Variants in TMEM63B observed in about 807,000 individuals in gnomAD.
TMEM63B encodes the protein transmembrane protein 63B.
Under a neutral mutation model 102.6 loss-of-function variants are expected in TMEM63B, and 23 were observed. The ratio of observed to expected loss-of-function variants is 0.22; its 90% CI spans 0.16 to 0.32. The LOEUF is 0.32. TMEM63B is among the 10% of genes least tolerant of loss of function. TMEM63B has a pLI of 1.00. For missense variants in TMEM63B, 628 were observed against 1,095.9 expected, an observed-to-expected ratio of 0.57 and a Z score of 6.03; for synonymous variants, 444 against 437.0, an observed-to-expected ratio of 1.02 and a Z score of -0.20.
chr6:44,138,634 A>C (rs1582782241), intron 6 of TMEM63B, 117 bp downstream of exon 6: 2 of 1,216,218 alleles, frequency 1.6e-6, no homozygotes, highest in Non-Finnish European at 2.4e-6. Flanking sequence ...CCAGCACAGC[A>C]CCCTCCTCCC....
At chr6:44,145,602 CAAAACA>C (rs200296928) in intron 10 of TMEM63B, among the ~76,000 whole-genome samples, 1,777 of 150,990 alleles carry the variant, frequency 0.012, 35 homozygotes, top group African/African-American at 0.041. Context: ...AAAAACAAAA[CAAAACA>C]AAAACAAAAA....
rs1435213743 is a variant in TMEM63B, at chr6:44,127,644, G to T, written c.-59G>T. On this transcript the variant is annotated 5_prime_UTR_variant, in exon 1 of 24. Transcript: ENST00000323267. ...CCCCAGCCCCGCCCCGCCCCAACCC[G>T]GGGCTCCGAGCCGGAGCCGAGTCTG... 8.1e-6 allele frequency: 1 copy of T among 123,436 alleles called. No individual in the cohort carries two copies. The highest frequency in any genetic ancestry group is 1.7e-5 in the Non-Finnish European group (1 of 57,560). The allele number at this position is 123,436 out of a possible 1,614,324, so 7.6% of individuals were successfully genotyped here. A position where few individuals can be genotyped will look rare whatever the true frequency, so the allele number is the denominator to read the frequency against.
At chr6:44,138,351 A>ATT in intron 5 of TMEM63B, 129 bp from the exon 6 acceptor site, 7 of 1,132,974 alleles carry the variant, frequency 6.2e-6, no homozygotes, top group Non-Finnish European at 9.2e-6. Flanking sequence ...GGGTATAAGG[A>ATT]TTTTTTTTTA....
chr6:44,130,564 G>A (rs947159982), intron 1 of TMEM63B, among the ~76,000 whole-genome samples: 6 of 149,288 alleles, frequency 4.0e-5, no homozygotes, highest in Non-Finnish European at 4.5e-5. Context: ...CTCAGCTTCC[G>A]GAGTAGCTGG....
intron 7 of TMEM63B, 33 bp from the exon 8 acceptor site, chr6:44,139,675 C>T (rs753414791): frequency 6.2e-7 from 1 of 1,614,142 alleles, no homozygotes; most frequent in South Asian, 1.1e-5. Context: ...GCCCTGACCC[C>T]ACCATCATCC....
chr6:44,136,914 G>A (rs1053768700), intron 5 of TMEM63B, among the ~76,000 whole-genome samples: 6 of 152,218 alleles, frequency 3.9e-5, no homozygotes, highest in African/African-American at 7.2e-5. Flanking sequence ...GCGTGGTGGT[G>A]GGCGCCTGTA....
At chr6:44,149,121 C>T (rs928630340) in intron 15 of TMEM63B, 176 bp downstream of exon 15, 9 of 912,974 alleles carry the variant, frequency 9.9e-6, no homozygotes, top group African/African-American at 4.9e-5. Flanking sequence ...CCACCTTCCC[C>T]CTGAGAGAGG....
At chr6:44,138,452 T>A in intron 5 of TMEM63B, 28 bp from the exon 6 acceptor site, 6 of 1,613,874 alleles carry the variant, frequency 3.7e-6, no homozygotes, top group Non-Finnish European at 5.1e-6. Flanking sequence ...GGCTGGGGAC[T>A]CCCGCTGACA....
Position 44,155,451 on chromosome 6 carries a change from G to GT in TMEM63B, c.*578dup, listed in dbSNP as rs34682934. ...ACACTGGAAAATGGGTTTTTGCACTGTTTTTTTTTTGGTTTTTTTGTTCTT... is the reference window on the plus strand; with the variant it reads ...ACACTGGAAAATGGGTTTTTGCACTGTTTTTTTTTTTGGTTTTTTTGTTCTT... On this transcript the variant is annotated 3_prime_UTR_variant, in exon 24 of 24. Coordinates refer to ENST00000323267, the MANE Select transcript of TMEM63B (RefSeq NM_018426.3). 23,574 of 122,840 alleles carry GT rather than the reference G, an allele frequency of 0.19. 2,114 individuals are homozygous for GT. The highest frequency in any genetic ancestry group is 0.23 in the Non-Finnish European group (13,631 of 59,594). 7.6% of individuals were successfully genotyped at this position (122,840 alleles called of 1,614,324 possible). A position where few individuals can be genotyped will look rare whatever the true frequency, so the allele number is the denominator to read the frequency against.
intron 11 of TMEM63B, 126 bp downstream of exon 11, chr6:44,147,053 T>A: frequency 9.4e-7 from 1 of 1,066,216 alleles, no homozygotes; most frequent in Non-Finnish European, 1.4e-6. Context: ...ATTCAACTCG[T>A]TGGTGTGCCT....
rs568339182 is a variant in TMEM63B, at chr6:44,155,464, T to TTTGG, written c.*583_*584insGGTT. The TTTGG allele has an allele frequency of 2.7e-5, 4 of 150,104 alleles. No homozygotes were observed. The highest frequency in any genetic ancestry group is 7.4e-5 in the African/African-American group (3 of 40,692). The allele number at this position is 150,104 out of a possible 1,614,324, so 9.3% of individuals were successfully genotyped here. The stretch of plus-strand genomic sequence containing the variant: ...GGTTTTTGCACTGTTTTTTTTTTGG[T>TTTGG]TTTTTTGTTCTTTTTTGTTTTTTTC... On this transcript the variant is annotated 3_prime_UTR_variant, in exon 24 of 24. Transcript: ENST00000323267.
rs1176963130 is a variant in TMEM63B at position 44,138,483 on chromosome 6, T to A, written c.373T>A (p.Phe125Ile). The A allele has an allele frequency of 6.2e-7, 1 of 1,614,020 alleles. No homozygotes were observed. Among genetic ancestry groups the A allele is most frequent in the Non-Finnish European group, 8.5e-7 (1 of 1,179,984 alleles). Residue 125 changes from phenylalanine to isoleucine, a missense_variant, in exon 6 of 24, where the codon TTC becomes ATC. Physicochemically the swap from Phe to Ile is conservative, Grantham distance 21 (BLOSUM62 0). Transcript: ENST00000323267. The part of the protein sequence containing the change: ...SVDFDQRDNG[F>I]CSWLTAIFRI... The stretch of plus-strand genomic sequence containing the variant: ...TGACAGCCCTCTGTTCCCCCAGGGT[T>A]TCTGTTCCTGGCTGACAGCCATCTT...
In TMEM63B at chr6:44,154,063, C is replaced by T; in HGVS notation, c.2111-10C>T. 6.2e-7 allele frequency: 1 copy of T among 1,613,582 alleles called. No individual in the cohort carries two copies. Among genetic ancestry groups the T allele is most frequent in the African/African-American group, 1.3e-5 (1 of 75,016 alleles). ...AGATAGCAACCCCATTCTTTGCCCC[C>T]CAACACCAGGGTTCCTAGCTCCCAC... On this transcript the variant is annotated splice_polypyrimidine_tract_variant and intron_variant, in intron 21 of 23. Coordinates refer to ENST00000323267, the MANE Select transcript of TMEM63B (RefSeq NM_018426.3).
intron 1 of TMEM63B, chr6:44,127,968 G>A (rs1355345100): frequency 2.0e-5 from 3 of 150,600 alleles, no homozygotes; most frequent in Non-Finnish European, 3.0e-5. Flanking sequence ...CGGCCCCCGA[G>A]TGCCACTCTT....
At chr6:44,154,601 C>T in intron 23 of TMEM63B, 91 bp from the exon 24 acceptor site, 1 of 1,466,030 alleles carries the variant, frequency 6.8e-7, no homozygotes, top group African/African-American at 1.4e-5. Context: ...CCCCAGGGCC[C>T]TGCCCACTCT....
chr6:44,127,152 T>TCCCCTCCTCGTCGGGCCC (rs1777195815), upstream of TMEM63B: 1 of 108,806 alleles, frequency 9.2e-6, no homozygotes, highest in African/African-American at 3.0e-5. Context: ...GTAAGGGGCC[T>TCCCCTCCTCGTCGGGCCC]CCCCTCCCCG....
chr6:44,129,814 T>C (rs1777931799), intron 1 of TMEM63B, among the ~76,000 whole-genome samples: 1 of 152,248 alleles, frequency 6.6e-6, no homozygotes, highest in Non-Finnish European at 1.5e-5. Context: ...GAGCCCATTA[T>C]ATGCCTTGAA....
Position 44,154,129 on chromosome 6 carries a change from A to G in TMEM63B, c.2167A>G (p.Ile723Val), listed in dbSNP as rs780525320. The change falls in exon 22 of 24, where the codon ATC becomes GTC. Residue 723 changes from isoleucine (I) to valine (V), a missense_variant. Around this residue, in one of 6 missense-constraint regions of TMEM63B, gnomAD observed 129 missense variants for 153.5 expected, o/e 0.84. Transcript: ENST00000323267. ...TGTGGTCCTGGTCATCACCATCGTC[A>G]TCTGTCTCTGCCACGTCTGCTTTGG... ...TFVVLVITIVICLCHVCFGHF... is the reference protein window; with the variant it reads ...TFVVLVITIVVCLCHVCFGHF... 1 of 1,614,002 alleles carries G rather than the reference A, an allele frequency of 6.2e-7. No individual in the cohort carries two copies. Among genetic ancestry groups the G allele is most frequent in the African/African-American group, 1.3e-5 (1 of 74,902 alleles).
chr6:44,150,186 C>T lies in TMEM63B; in HGVS notation c.1521-38C>T. On this transcript the variant is annotated intron_variant, in intron 16 of 23. Transcript: ENST00000323267. The surrounding 1 kb of genome is among the most constrained non-coding windows in gnomAD (Gnocchi z 4.7). Reference sequence around the variant, plus strand: ...GGGGAGCAAGTCTGGGGCCTGGGCTCACTTGACCTGTACCGTTCCCTGCTC... The same window carrying T: ...GGGGAGCAAGTCTGGGGCCTGGGCTTACTTGACCTGTACCGTTCCCTGCTC... The T allele has an allele frequency of 6.3e-7, 1 of 1,589,376 alleles. No homozygotes were observed.
Sources: allele counts gnomAD v4.1 joint callset (sites outside exome capture counted in the v4.1 genomes callset), GRCh38; gene constraint gnomAD v4.1.1; regional missense constraint gnomAD v4.1.1; non-coding constraint Gnocchi (gnomAD v3.1); transcripts MANE v1.5; gene names NCBI Gene and HGNC (gene_info 2026-07-23, HGNC 2026-07-21).